RABGAP1L: variants seen among roughly 807,000 people sequenced by gnomAD.
RABGAP1L encodes rab GTPase-activating protein 1-like.
RABGAP1L carries 63 observed loss-of-function variants against 137.7 expected under a neutral mutation model. The observed-to-expected ratio is 0.46, with a 90% CI of 0.37 to 0.56. RABGAP1L has a LOEUF of 0.56. Ranked by LOEUF, RABGAP1L falls within the 20% of genes least tolerant of loss-of-function variation. The probability of loss-of-function intolerance (pLI) is 0.00; values close to 1 mark genes in which losing one functional copy is unlikely to be tolerated. For synonymous variants in RABGAP1L, 431 were observed against 433.7 expected (o/e 0.99, Z 0.08); for missense variants, 1,095 against 1,244.0 (o/e 0.88, Z 1.80).
At chr1:174,963,374 A>T (rs1397854185) in intron 20 of RABGAP1L, among the ~76,000 whole-genome samples, 1 of 152,078 alleles carries the variant, frequency 6.6e-6, no homozygotes, top group Non-Finnish European at 1.5e-5. Context: ...TTGGCTTCTC[A>T]AGCAATATAG....
intron 13 of RABGAP1L, among the ~76,000 whole-genome samples, chr1:174,632,486 G>A (rs1436148862): frequency 1.3e-5 from 2 of 150,220 alleles, no homozygotes; most frequent in African/African-American, 2.5e-5. Context: ...CCTGCAGAGT[G>A]TTTTCCAACT....
chr1:174,311,021 A>G (rs1184225641), intron 11 of RABGAP1L, among the ~76,000 whole-genome samples: 1 of 152,046 alleles, frequency 6.6e-6, no homozygotes, highest in Non-Finnish European at 1.5e-5. Context: ...TTTTGTACCT[A>G]TTAACCATCC....
intron 1 of RABGAP1L, among the ~76,000 whole-genome samples, chr1:174,163,044 CAG>C (rs893457710): frequency 1.3e-5 from 2 of 151,898 alleles, no homozygotes; most frequent in Admixed American, 6.6e-5. Context: ...AAAGATGGCT[CAG>C]GGGTTTCTTG....
chr1:174,899,514 C>T (rs1482630887), intron 19 of RABGAP1L, among the ~76,000 whole-genome samples: 1 of 152,152 alleles, frequency 6.6e-6, no homozygotes, highest in African/African-American at 2.4e-5. Context: ...TAAATTTTCT[C>T]ATTTTTAGAG....
intron 13 of RABGAP1L, among the ~76,000 whole-genome samples, chr1:174,497,738 C>G (rs1015453470): frequency 5.9e-5 from 9 of 152,220 alleles, no homozygotes; most frequent in African/African-American, 2.2e-4. Flanking sequence ...CCAACAAAGA[C>G]TGCTTATAAA....
chr1:174,607,184 A>AT lies in RABGAP1L; in HGVS notation c.1711-30187dup, dbSNP rs1419579990. On this transcript the variant is annotated intron_variant, in intron 13 of 25. Transcript: ENST00000681986. Reference sequence around the variant, plus strand: ...TTTATATTTTAACTGTCACCCCTAAATTTTCTTCATAGGGGCATTGATTCT... The same window carrying AT: ...TTTATATTTTAACTGTCACCCCTAAATTTTTCTTCATAGGGGCATTGATTCT... Among the ~76,000 whole-genome samples the AT allele has an allele frequency of 3.3e-5, 5 of 152,148 alleles. No individual in the cohort carries two copies. The South Asian group carries it at 8.3e-4, about 25-fold the overall frequency.
At chr1:174,904,734 C>T (rs907890522) in intron 19 of RABGAP1L, among the ~76,000 whole-genome samples, 1 of 152,104 alleles carries the variant, frequency 6.6e-6, no homozygotes, top group South Asian at 2.1e-4. Flanking sequence ...ACTGCAGCCT[C>T]AACTCCCTGG....
In RABGAP1L at chr1:174,449,112, C is replaced by A. The variant is rs771456733; in HGVS notation, c.1710+54967C>A. The A allele has an allele frequency of 2.5e-6, 4 of 1,613,680 alleles. No homozygotes were observed. In the Admixed American group the frequency reaches 6.7e-5, roughly 27 times the overall value. On this transcript the variant is annotated intron_variant, in intron 13 of 25. Transcript: ENST00000681986. Reference sequence around the variant, plus strand: ...CTAGGCCTCCGAAGACTGTCTGAGACAATGTGCACATCCTGTATGTGTGTG... The same window carrying A: ...CTAGGCCTCCGAAGACTGTCTGAGAAAATGTGCACATCCTGTATGTGTGTG...
At chr1:174,600,043 T>C (rs1670295479) in intron 13 of RABGAP1L, among the ~76,000 whole-genome samples, 1 of 152,156 alleles carries the variant, frequency 6.6e-6, no homozygotes, top group Admixed American at 6.5e-5. Flanking sequence ...CAGTTCGACA[T>C]GGCTGAGGAG....
chr1:174,262,247 A>G (rs1249862841), intron 7 of RABGAP1L, among the ~76,000 whole-genome samples: 1 of 152,224 alleles, frequency 6.6e-6, no homozygotes, highest in African/African-American at 2.4e-5. Context: ...AATTTTCAGC[A>G]TCTTTTCATT....
chr1:174,388,135 C>T (rs779061800), intron 12 of RABGAP1L, among the ~76,000 whole-genome samples: 2 of 152,032 alleles, frequency 1.3e-5, no homozygotes, highest in African/African-American at 2.4e-5. Flanking sequence ...TGGAGTCCTA[C>T]ACTTTGTGCT....
At chr1:174,892,995 C>T (rs1656507020) in intron 19 of RABGAP1L, 1 of 191,928 alleles carries the variant, frequency 5.2e-6, no homozygotes, top group Non-Finnish European at 1.1e-5. Context: ...GTCTGCCAGC[C>T]TCAGCCTCCC....
chr1:174,329,606 G>A (rs200960597), intron 11 of RABGAP1L, among the ~76,000 whole-genome samples: 2 of 152,120 alleles, frequency 1.3e-5, no homozygotes, highest in East Asian at 3.9e-4. Context: ...AGATTCAAAA[G>A]CCCATTAAAA....
chr1:174,836,176 C>CT (rs1325668212), intron 19 of RABGAP1L, among the ~76,000 whole-genome samples: 2 of 151,868 alleles, frequency 1.3e-5, no homozygotes, highest in Non-Finnish European at 2.9e-5. Context: ...TTTCTTTTCT[C>CT]TTTTTTTTCA....
At chr1:174,394,779 C>G (rs1039855972) in intron 13 of RABGAP1L, among the ~76,000 whole-genome samples, 1 of 151,916 alleles carries the variant, frequency 6.6e-6, no homozygotes, top group South Asian at 2.1e-4. Flanking sequence ...TTTAAAGGAA[C>G]CTCTCCTCAT....
chr1:174,743,754 A>G (rs1683644639), intron 17 of RABGAP1L, among the ~76,000 whole-genome samples: 1 of 152,144 alleles, frequency 6.6e-6, no homozygotes, highest in African/African-American at 2.4e-5. Flanking sequence ...ATATTTTACT[A>G]CTTAATCTGT....
intron 1 of RABGAP1L, among the ~76,000 whole-genome samples, chr1:174,217,066 G>T (rs935859998): frequency 6.6e-6 from 1 of 152,208 alleles, no homozygotes. Context: ...ATGGATAGAT[G>T]TGAGTCTTAT....
intron 1 of RABGAP1L, among the ~76,000 whole-genome samples, chr1:174,173,818 G>A (rs1488926811): frequency 1.3e-5 from 2 of 152,126 alleles, no homozygotes; most frequent in Non-Finnish European, 2.9e-5. Context: ...TATGTAAACT[G>A]ATCTGGGTTT....
At chr1:174,714,843 C>CT (rs1479895266) in intron 17 of RABGAP1L, among the ~76,000 whole-genome samples, 1 of 152,108 alleles carries the variant, frequency 6.6e-6, no homozygotes, top group Non-Finnish European at 1.5e-5. Context: ...TAAAAGATCT[C>CT]TAAGTATTTC....
Sources: gnomAD v4.1 joint callset for allele counts (sites outside exome capture counted in the v4.1 genomes callset) on GRCh38, gnomAD v4.1.1 for gene constraint, MANE v1.5 for transcripts, NCBI Gene and HGNC (gene_info 2026-07-23, HGNC 2026-07-21) for gene names.